LRIG1: variants seen among roughly 807,000 people sequenced by gnomAD.
The protein encoded by LRIG1 is leucine-rich repeats and immunoglobulin-like domains protein 1.
A neutral mutation model predicts 99.2 loss-of-function variants in LRIG1; 48 were observed. That is an observed-to-expected ratio of 0.48 (90% CI 0.38 to 0.62). LRIG1 has a LOEUF of 0.62. Among genes scored for constraint, LRIG1 ranks in the 20% least tolerant of loss-of-function variants. The pLI is 0.00. For missense variants in LRIG1, 1,646 were observed against 1,434.4 expected (o/e 1.15, Z -2.38); for synonymous variants, 772 against 596.1 (o/e 1.29, Z -4.30).
At chr3:66,405,171 G>T in intron 9 of LRIG1, 27 bp downstream of exon 9, 1 of 1,607,516 alleles carries the variant, frequency 6.2e-7, no homozygotes, top group Non-Finnish European at 8.5e-7. Flanking sequence ...GCATTTGCCG[G>T]CGGAGCTCCG....
chr3:66,382,944 T>G, intron 15 of LRIG1, 38 bp downstream of exon 15: 1 of 1,556,986 alleles, frequency 6.4e-7, no homozygotes, highest in Non-Finnish European at 8.7e-7. Context: ...CTGCCATTCC[T>G]CCCTCCTTGA....
intron 1 of LRIG1, among the ~76,000 whole-genome samples, chr3:66,462,954 G>A (rs1279048169): frequency 6.6e-6 from 1 of 152,104 alleles, no homozygotes. Context: ...CTAAACCAGT[G>A]GCTCTCAACC....
intron 9 of LRIG1, among the ~76,000 whole-genome samples, chr3:66,399,662 G>A (rs976206565): frequency 6.6e-6 from 1 of 152,188 alleles, no homozygotes; most frequent in African/African-American, 2.4e-5. Flanking sequence ...TAGCTACTTA[G>A]AAGGCTGAGG....
intron 3 of LRIG1, among the ~76,000 whole-genome samples, chr3:66,430,105 A>C (rs1038917807): frequency 2.0e-5 from 3 of 152,206 alleles, no homozygotes; most frequent in African/African-American, 7.2e-5. Flanking sequence ...TTACAACTTT[A>C]GTTCAATGTC....
At chr3:66,482,428 T>C (rs1018271116) in intron 1 of LRIG1, among the ~76,000 whole-genome samples, 4 of 152,226 alleles carry the variant, frequency 2.6e-5, no homozygotes, top group Non-Finnish European at 5.9e-5. Context: ...GTATCCTGTG[T>C]AAAGTCTTCA....
intron 9 of LRIG1, among the ~76,000 whole-genome samples, chr3:66,404,967 G>A (rs917684567): frequency 3.3e-5 from 5 of 152,174 alleles, no homozygotes; most frequent in Admixed American, 1.3e-4. Flanking sequence ...GCCAAACGCC[G>A]GGTTGCCAGC....
At chr3:66,433,908 G>A (rs1321720472) in intron 3 of LRIG1, among the ~76,000 whole-genome samples, 1 of 152,194 alleles carries the variant, frequency 6.6e-6, no homozygotes, top group Non-Finnish European at 1.5e-5. Context: ...GGAACCACAA[G>A]CTTCAAGTTT....
At chr3:66,464,505 T>A (rs73833501) in intron 1 of LRIG1, among the ~76,000 whole-genome samples, 6 of 145,386 alleles carry the variant, frequency 4.1e-5, no homozygotes, top group African/African-American at 2.5e-5. Flanking sequence ...CTTTATTACT[T>A]AAAAAAAAAA....
At chr3:66,382,666 C>T (rs545901373) in intron 15 of LRIG1, among the ~76,000 whole-genome samples, 6 of 152,190 alleles carry the variant, frequency 3.9e-5, no homozygotes, top group African/African-American at 9.7e-5. Flanking sequence ...ACAGAAGTAC[C>T]GCACTGTTTC....
intron 1 of LRIG1, among the ~76,000 whole-genome samples, chr3:66,472,444 A>C (rs1354974481): frequency 6.6e-6 from 1 of 152,120 alleles, no homozygotes; most frequent in Non-Finnish European, 1.5e-5. Context: ...CACCACCCGT[A>C]AGTGATGCTG....
intron 1 of LRIG1, among the ~76,000 whole-genome samples, chr3:66,467,138 G>T (rs1700490662): frequency 6.6e-6 from 1 of 152,102 alleles, no homozygotes; most frequent in African/African-American, 2.4e-5. Flanking sequence ...GTTTACCAGT[G>T]CACAACAACA....
At chr3:66,490,728 T>C (rs146745217) in intron 1 of LRIG1, among the ~76,000 whole-genome samples, 2 of 152,196 alleles carry the variant, frequency 1.3e-5, no homozygotes, top group Non-Finnish European at 2.9e-5. Context: ...GGTTATCATA[T>C]AAATTTAATT....
intron 2 of LRIG1, among the ~76,000 whole-genome samples, chr3:66,457,739 T>C (rs952731448): frequency 1.3e-5 from 2 of 152,064 alleles, no homozygotes; most frequent in African/African-American, 4.8e-5. Context: ...CAAACGTGAG[T>C]CTATTTGCTA....
Position 66,384,039 on chromosome 3 carries a change from G to A in LRIG1, c.2023C>T (p.Gln675Ter). ...GCTGAAATAGAACCGGCTGAGTTCTGAGCAGTACAGCTGTAAACCCCTGCG... is the reference window on the plus strand; with the variant it reads ...GCTGAAATAGAACCGGCTGAGTTCTAAGCAGTACAGCTGTAAACCCCTGCG... Reference protein sequence around the residue: ...DDAGVYSCTAQNSAGSISANA... With the variant: ...DDAGVYSCTA The change falls in exon 14 of 19, where the codon CAG (glutamine) becomes TAG (stop). Residue 675 changes from glutamine to a stop codon, truncating the protein, a stop_gained. Coordinates refer to ENST00000273261, the MANE Select transcript of LRIG1 (RefSeq NM_015541.3). LOFTEE classifies it high-confidence loss of function. 1.2e-6 allele frequency: 2 copies of A among 1,614,034 alleles called. No individual in the cohort carries two copies. The highest frequency in any genetic ancestry group is 1.7e-6 in the Non-Finnish European group (2 of 1,180,004).
Position 66,410,198 on chromosome 3 carries a change from T to C in LRIG1, c.866A>G (p.His289Arg), listed in dbSNP as rs761325053. 4 of 1,614,126 alleles carry C rather than the reference T, an allele frequency of 2.5e-6. No homozygotes were observed. The highest frequency in any genetic ancestry group is 1.7e-4 in the Middle Eastern group (1 of 6,060). The change falls in exon 7 of 19, where the codon CAC (histidine) becomes CGC (arginine). Residue 289 changes from histidine to arginine, a missense_variant. Physicochemically the swap from His to Arg is conservative, Grantham distance 29. Transcript: ENST00000273261. Reference sequence around the variant, plus strand: ...GCGAGCGATGGAATTGTTGCTGAGGTGGAGCTGATGCAGGGCCGTGAGGCC... The same window carrying C: ...GCGAGCGATGGAATTGTTGCTGAGGCGGAGCTGATGCAGGGCCGTGAGGCC... ...LYGLTALHQL[H>R]LSNNSIARIH...
At chr3:66,486,164 G>C (rs917711324) in intron 1 of LRIG1, among the ~76,000 whole-genome samples, 1 of 152,046 alleles carries the variant, frequency 6.6e-6, no homozygotes, top group Non-Finnish European at 1.5e-5. Flanking sequence ...CTATTATTGC[G>C]ACAGTTATAA....
intron 9 of LRIG1, among the ~76,000 whole-genome samples, chr3:66,399,783 A>C (rs573384450): frequency 6.6e-6 from 1 of 152,286 alleles, no homozygotes; most frequent in African/African-American, 2.4e-5. Flanking sequence ...AAAAACAAAC[A>C]AAAACCCCCA....
chr3:66,464,505 T>TA (rs67690348), intron 1 of LRIG1, among the ~76,000 whole-genome samples: 131,205 of 145,472 alleles, frequency 0.9, 59,320 homozygotes, highest in Non-Finnish European at 0.95. Flanking sequence ...CTTTATTACT[T>TA]AAAAAAAAAA....
In LRIG1 at chr3:66,398,190, C is replaced by T; in HGVS notation, c.1233-7G>A. The T allele has an allele frequency of 1.2e-6, 2 of 1,611,530 alleles. No individual in the cohort carries two copies. The highest frequency in any genetic ancestry group is 1.7e-6 in the Non-Finnish European group (2 of 1,177,614). On this transcript the variant is annotated splice_polypyrimidine_tract_variant and splice_region_variant and intron_variant, in intron 10 of 18. Transcript: ENST00000273261. ...CGCATTCCCTCCAAGGTTCCTGAAA[C>T]AGAACATACATTACTTATGCAAAGA...
Sources: allele counts gnomAD v4.1 joint callset (sites outside exome capture counted in the v4.1 genomes callset), GRCh38; gene constraint gnomAD v4.1.1; transcripts MANE v1.5; gene names NCBI Gene and HGNC (gene_info 2026-07-23, HGNC 2026-07-21).